The following DNAH14 variants were observed in gnomAD, a reference collection of about 807,000 sequenced individuals.
DNAH14 encodes the protein dynein axonemal heavy chain 14, also known as axonemal beta dynein heavy chain 14.
In DNAH14, 478 loss-of-function variants were observed where a neutral mutation model predicts 520.9. The observed-to-expected ratio is 0.92, with a 90% confidence interval of 0.85 to 0.99. DNAH14 has a LOEUF of 0.99. DNAH14 is among the 50% of genes least tolerant of loss of function. The pLI is 0.00. For synonymous variants in DNAH14, 1,581 were observed against 1,757.2 expected (o/e 0.90, Z 2.51); for missense variants, 4,831 against 5,234.5 (o/e 0.92, Z 2.38).
At chr1:225,047,966 T>G (rs940835336) in intron 15 of DNAH14, among the ~76,000 whole-genome samples, 5 of 152,202 alleles carry the variant, frequency 3.3e-5, no homozygotes, top group Admixed American at 6.5e-5. Context: ...GTGGGTGGTG[T>G]TAAGGGTTTT....
intron 41 of DNAH14, among the ~76,000 whole-genome samples, chr1:225,224,924 G>A (rs751244400): frequency 5.9e-5 from 9 of 152,156 alleles, no homozygotes; most frequent in Non-Finnish European, 1.2e-4. Context: ...CACTCTGTGT[G>A]CACTTTTTCT....
At chr1:224,946,850 T>C (rs956138589) in intron 1 of DNAH14, among the ~76,000 whole-genome samples, 3 of 151,328 alleles carry the variant, frequency 2.0e-5, no homozygotes, top group Non-Finnish European at 4.4e-5. Flanking sequence ...TTTTTTTTTT[T>C]CCTAGCTGGA....
intron 79 of DNAH14, among the ~76,000 whole-genome samples, chr1:225,378,696 G>A (rs1332611235): frequency 6.6e-6 from 1 of 151,914 alleles, no homozygotes; most frequent in Non-Finnish European, 1.5e-5. Context: ...GCCTGGCCAA[G>A]ATGGTGAAAC....
chr1:225,024,032 CCTTA>C (rs34456418), intron 11 of DNAH14, 167 bp downstream of exon 11: 62,207 of 1,335,658 alleles, frequency 0.047, 2,708 homozygotes, highest in East Asian at 0.24. Context: ...TTTGGTAATA[CCTTA>C]CTTAATATCG....
At chr1:225,301,119 A>G (rs1349204543) in intron 56 of DNAH14, 89 bp downstream of exon 56, 1 of 1,362,666 alleles carries the variant, frequency 7.3e-7, no homozygotes. Context: ...AGTTGGATAT[A>G]ATTTCTTTAG....
Position 225,187,773 on chromosome 1 carries a change from T to G in DNAH14, c.5670+2348T>G, listed in dbSNP as rs569188299. 4.5e-4 allele frequency among the ~76,000 whole-genome samples: 69 copies of G among 151,930 alleles called. 1 individual carries two copies. The highest frequency in any genetic ancestry group is 8.7e-4 in the Non-Finnish European group (59 of 67,840). ...TCTGGAGACATGTCTGTTCATGTCT[T>G]TGTCCATTTTTAAATTGTTATCTTT... is the stretch of plus-strand genomic sequence containing the variant. On this transcript the variant is annotated intron_variant, in intron 37 of 85. Transcript: ENST00000682510.
chr1:224,934,338 T>G (rs532475983), intron 1 of DNAH14, among the ~76,000 whole-genome samples: 2 of 152,012 alleles, frequency 1.3e-5, no homozygotes, highest in South Asian at 4.2e-4. Flanking sequence ...AAGATTCTTT[T>G]GAAAAGAACC....
intron 42 of DNAH14, among the ~76,000 whole-genome samples, chr1:225,235,163 A>G (rs2091484104): frequency 6.6e-6 from 1 of 152,138 alleles, no homozygotes; most frequent in Non-Finnish European, 1.5e-5. Context: ...CCCATTCAGT[A>G]TGATATTGGC....
At chr1:225,007,603 A>G (rs2064283241) in intron 10 of DNAH14, 59 bp downstream of exon 10, 2 of 1,343,632 alleles carry the variant, frequency 1.5e-6, no homozygotes, top group Non-Finnish European at 9.9e-7. Context: ...GAAGCAATTG[A>G]TCCAAATTGC....
At position 225,292,224 on chromosome 1, in the gene DNAH14, A is replaced by G. The variant is rs549463490; in HGVS notation, c.8469+2142A>G. Reference sequence around the variant, plus strand: ...CCTTATGTTTTCTTCCAGTAGTTTTATAGTTTCAGGTCTTACATTTAGCTC... The same window carrying G: ...CCTTATGTTTTCTTCCAGTAGTTTTGTAGTTTCAGGTCTTACATTTAGCTC... On this transcript the variant is annotated intron_variant, in intron 55 of 85. Coordinates refer to ENST00000682510, the MANE Select transcript of DNAH14 (RefSeq NM_001367479.1). 2.6e-5 allele frequency among the ~76,000 whole-genome samples: 4 copies of G among 152,196 alleles called. No individual in the cohort carries two copies. In the East Asian group the frequency reaches 7.7e-4, roughly 29 times the overall value.
intron 55 of DNAH14, among the ~76,000 whole-genome samples, chr1:225,299,739 T>C (rs1488491396): frequency 1.3e-5 from 2 of 152,204 alleles, no homozygotes; most frequent in Admixed American, 6.5e-5. Context: ...TTTCCAGGCT[T>C]CTTCTGGCCA....
Position 225,265,294 on chromosome 1 carries a change from C to A in DNAH14, c.7335C>A (p.Ala2445=), listed in dbSNP as rs1454461650. 2.6e-6 allele frequency: 4 copies of A among 1,543,928 alleles called. No individual in the cohort carries two copies. Among genetic ancestry groups the A allele is most frequent in the Non-Finnish European group, 3.5e-6 (4 of 1,144,824 alleles). ...ATTTTAGCACCAATGTAACAGCTGCCAAAACCAAGGAGATGATTCTTAAGA... is the reference window on the plus strand; with the variant it reads ...ATTTTAGCACCAATGTAACAGCTGCAAAAACCAAGGAGATGATTCTTAAGA... ...TINFSTNVTA[A]KTKEMILKKL... is the part of the protein sequence containing the mutation. Residue 2445 remains alanine (A), a synonymous_variant, in exon 48 of 86, where the codon GCC becomes GCA. Coordinates refer to ENST00000682510, the MANE Select transcript of DNAH14 (RefSeq NM_001367479.1).
intron 2 of DNAH14, among the ~76,000 whole-genome samples, chr1:224,953,774 C>A (rs1448524942): frequency 6.6e-6 from 1 of 152,018 alleles, no homozygotes; most frequent in Non-Finnish European, 1.5e-5. Flanking sequence ...GTCTCTTACA[C>A]TATACCAAAA....
chr1:225,260,817 C>T (rs1196093912), intron 46 of DNAH14, among the ~76,000 whole-genome samples: 1 of 152,144 alleles, frequency 6.6e-6, no homozygotes, highest in East Asian at 1.9e-4. Context: ...AAATTTATTT[C>T]ATCAATGTTT....
intron 10 of DNAH14, among the ~76,000 whole-genome samples, chr1:225,012,208 G>A (rs1467891847): frequency 1.3e-5 from 2 of 152,100 alleles, no homozygotes; most frequent in Non-Finnish European, 2.9e-5. Context: ...CTTCACTTGT[G>A]AAGCTTAATT....
chr1:224,964,636 A>T (rs777230082), intron 5 of DNAH14, 27 bp downstream of exon 5: 4 of 1,460,092 alleles, frequency 2.7e-6, no homozygotes, highest in Non-Finnish European at 3.7e-6. Context: ...TTTAATTTTG[A>T]TCTTTAAAAA....
At chr1:224,944,561 T>C (rs936097195) in intron 1 of DNAH14, among the ~76,000 whole-genome samples, 2 of 152,152 alleles carry the variant, frequency 1.3e-5, no homozygotes, top group Non-Finnish European at 2.9e-5. Flanking sequence ...ATTTTGCTCG[T>C]TAGTTGATGA....
intron 1 of DNAH14, among the ~76,000 whole-genome samples, chr1:224,946,346 A>T (rs2489300): frequency 6.6e-6 from 1 of 152,024 alleles, no homozygotes; most frequent in East Asian, 1.9e-4. Flanking sequence ...TTGGAAAAGC[A>T]CAGTATTAGG....
chr1:225,049,748 G>C (rs182835284), intron 15 of DNAH14, among the ~76,000 whole-genome samples: 80 of 149,192 alleles, frequency 5.4e-4, no homozygotes, highest in African/African-American at 1.9e-3. Context: ...GTTGAGGTTT[G>C]TTTATCTATC....
Sources: gnomAD v4.1 joint callset for allele counts (sites outside exome capture counted in the v4.1 genomes callset) on GRCh38, gnomAD v4.1.1 for gene constraint, MANE v1.5 for transcripts, NCBI Gene and HGNC (gene_info 2026-07-23, HGNC 2026-07-21) for gene names.